NEBL: variants seen among roughly 807,000 people sequenced by gnomAD.
The protein encoded by NEBL is LIM and SH3 protein 2.
In NEBL, 122 loss-of-function variants were observed where a neutral mutation model predicts 140.2. The ratio of observed to expected loss-of-function variants is 0.87; its 90% CI spans 0.75 to 1.01. The LOEUF (loss-of-function observed/expected upper bound fraction) is 1.01. NEBL is among the 50% of genes least tolerant of loss of function. NEBL has a pLI of 0.00. For synonymous variants in NEBL, 436 were observed against 398.9 expected, an observed-to-expected ratio of 1.09 and a Z score of -1.11; for missense variants, 1,365 against 1,231.3, an observed-to-expected ratio of 1.11 and a Z score of -1.62.
exon 4 of NEBL, chr10:20,961,725 T>C (rs755510513): frequency 6.2e-7 from 1 of 1,613,958 alleles, no homozygotes; most frequent in Non-Finnish European, 8.5e-7. Flanking sequence ...GGAGTGTCCG[T>C]GACGATGCTG....
At chr10:20,880,140 A>C (rs1046620292) in intron 5 of NEBL, among the ~76,000 whole-genome samples, 3 of 152,144 alleles carry the variant, frequency 2.0e-5, no homozygotes, top group Non-Finnish European at 4.4e-5. Context: ...AGGCAGGTGG[A>C]TCACAAAGTC....
intron 2 of NEBL, among the ~76,000 whole-genome samples, chr10:21,045,375 C>T (rs751238614): frequency 6.6e-6 from 1 of 152,180 alleles, no homozygotes; most frequent in African/African-American, 2.4e-5. Context: ...GCGATACTAA[C>T]TGCTAAAAAC....
intron 2 of NEBL, among the ~76,000 whole-genome samples, chr10:21,140,182 T>C (rs1033956593): frequency 6.6e-6 from 1 of 151,786 alleles, no homozygotes; most frequent in Non-Finnish European, 1.5e-5. Flanking sequence ...AAAATAATAA[T>C]AATATATAAG....
At chr10:21,281,761 C>A (rs533553301) in intron 1 of NEBL, among the ~76,000 whole-genome samples, 181 of 152,154 alleles carry the variant, frequency 1.2e-3, no homozygotes, top group African/African-American at 4.0e-3. Flanking sequence ...TGATGCACAT[C>A]CCCCATTTAA....
chr10:21,247,166 TG>T (rs1842527740), intron 3 of NEBL, among the ~76,000 whole-genome samples: 1 of 152,310 alleles, frequency 6.6e-6, no homozygotes, highest in South Asian at 2.1e-4. Flanking sequence ...GTGTAGCCTG[TG>T]GAACTGTAAG....
chr10:21,250,689 TCA>T (rs144342872), intron 2 of NEBL, among the ~76,000 whole-genome samples: 31,251 of 151,820 alleles, frequency 0.21, 3,803 homozygotes, highest in African/African-American at 0.33. Context: ...GGCAGGTGGA[TCA>T]CCTGAGTTCA....
intron 4 of NEBL, among the ~76,000 whole-genome samples, chr10:20,881,792 G>A (rs1186376956): frequency 1.3e-5 from 2 of 152,084 alleles, no homozygotes; most frequent in Non-Finnish European, 2.9e-5. Context: ...CTAAAAGAAT[G>A]AGAATAAAAC....
At chr10:21,265,373 A>C (rs1842786372) in intron 1 of NEBL, among the ~76,000 whole-genome samples, 1 of 152,190 alleles carries the variant, frequency 6.6e-6, no homozygotes, top group Admixed American at 6.5e-5. Context: ...TTCAAACCAC[A>C]GCAGCCTCTT....
intron 3 of NEBL, among the ~76,000 whole-genome samples, chr10:20,964,770 A>G (rs1245444862): frequency 6.6e-6 from 1 of 152,184 alleles, no homozygotes; most frequent in African/African-American, 2.4e-5. Flanking sequence ...CTGTCCAATA[A>G]TGAAGTCAAC....
In NEBL at chr10:20,970,230, TTACTG is replaced by T. The variant is rs571157961; in HGVS notation, c.250-8456_250-8452del. ...AGCTGTAAGATGTGCTCAGCACTCC[TTACTG>T]TACACACATGTTGACTCACTCACTC... On this transcript the variant is annotated intron_variant, in intron 3 of 6. Transcript: ENST00000417816. Among the ~76,000 whole-genome samples the T allele has an allele frequency of 1.3e-3, 200 of 152,328 alleles. 5 individuals are homozygous for T. In the South Asian group the frequency reaches 0.041, roughly 31 times the overall value.
intron 4 of NEBL, among the ~76,000 whole-genome samples, chr10:20,923,138 G>A (rs186153904): frequency 9.3e-4 from 141 of 151,962 alleles, no homozygotes; most frequent in Middle Eastern, 3.4e-3. Flanking sequence ...GTGCCATCAC[G>A]GCTCACTGCA....
At chr10:21,235,053 G>A (rs1842330063) in intron 3 of NEBL, among the ~76,000 whole-genome samples, 1 of 152,180 alleles carries the variant, frequency 6.6e-6, no homozygotes, top group Non-Finnish European at 1.5e-5. Context: ...CCAGCATTTT[G>A]GGAGGCCAAG....
At chr10:21,164,797 G>T (rs1373523504) in intron 2 of NEBL, among the ~76,000 whole-genome samples, 1 of 152,158 alleles carries the variant, frequency 6.6e-6, no homozygotes, top group Non-Finnish European at 1.5e-5. Flanking sequence ...TTGGCTCAAA[G>T]TATCTCCTTC....
rs1441674710 is a variant in NEBL, at chr10:20,817,603, G to A, written c.2145C>T (p.Ser715=). Residue 715 remains serine (S), a synonymous_variant, in exon 21 of 28, where the codon AGC becomes AGT. Coordinates refer to ENST00000377122, the MANE Select transcript of NEBL (RefSeq NM_006393.3). ...AAAGTTACTAAGATGATCACACATT[G>A]CTGATGTTTTTCTGGTTTTCTTTTG... ...KRAKENQKNI[S]NVYYRGQLGR... 6.2e-7 allele frequency: 1 copy of A among 1,608,982 alleles called. No homozygotes were observed.
intron 2 of NEBL, among the ~76,000 whole-genome samples, chr10:20,893,632 T>C (rs1847213719): frequency 6.6e-6 from 1 of 152,198 alleles, no homozygotes; most frequent in African/African-American, 2.4e-5. Flanking sequence ...CTAGGGCTGA[T>C]CTCTAGGCCA....
intron 3 of NEBL, among the ~76,000 whole-genome samples, chr10:21,232,172 G>A (rs1442243699): frequency 6.6e-6 from 1 of 152,000 alleles, no homozygotes; most frequent in African/African-American, 2.4e-5. Flanking sequence ...TTGCCAGCAG[G>A]AGGAGGCAAG....
chr10:21,274,600 A>T (rs1842897210), intron 1 of NEBL, among the ~76,000 whole-genome samples: 3 of 151,822 alleles, frequency 2.0e-5, no homozygotes, highest in Admixed American at 2.0e-4. Flanking sequence ...TAATTTTTGC[A>T]TTTTTAGTAG....
At chr10:20,825,725 G>C (rs922337946) in intron 18 of NEBL, among the ~76,000 whole-genome samples, 1 of 151,552 alleles carries the variant, frequency 6.6e-6, no homozygotes, top group Non-Finnish European at 1.5e-5. Flanking sequence ...TTGGTAAGGA[G>C]AGCAATTATC....
intron 3 of NEBL, among the ~76,000 whole-genome samples, chr10:21,239,711 T>G (rs1295396986): frequency 6.6e-6 from 1 of 152,044 alleles, no homozygotes; most frequent in African/African-American, 2.4e-5. Context: ...CAGAACAGAT[T>G]TTATTGTTAA....
Sources: gnomAD v4.1 joint callset for allele counts (sites outside exome capture counted in the v4.1 genomes callset) on GRCh38, gnomAD v4.1.1 for gene constraint, MANE v1.5 for transcripts, NCBI Gene and HGNC (gene_info 2026-07-23, HGNC 2026-07-21) for gene names.